Variants in ESR1 observed in about 807,000 individuals in gnomAD.
ESR1 encodes the protein estrogen receptor.
A neutral mutation model predicts 52.7 loss-of-function variants in ESR1; 12 were observed. The observed-to-expected ratio is 0.23, with a 90% CI of 0.15 to 0.37. The LOEUF (loss-of-function observed/expected upper bound fraction) is 0.37. ESR1 is among the 10% of genes least tolerant of loss of function. ESR1 has a pLI of 1.00. For synonymous variants in ESR1, 305 were observed against 316.8 expected, an observed-to-expected ratio of 0.96 and a Z score of 0.39; for missense variants, 584 against 779.7, an observed-to-expected ratio of 0.75 and a Z score of 2.99.
intron 2 of ESR1, among the ~76,000 whole-genome samples, chr6:151,789,317 A>T (rs1787309818): frequency 6.6e-6 from 1 of 152,226 alleles, no homozygotes; most frequent in Non-Finnish European, 1.5e-5. Flanking sequence ...TTACATTTTC[A>T]AACCTCTTTT....
intron 4 of ESR1, among the ~76,000 whole-genome samples, chr6:151,965,694 T>C (rs1012599147): frequency 1.3e-5 from 2 of 152,152 alleles, no homozygotes; most frequent in African/African-American, 2.4e-5. Flanking sequence ...TTTTGACTTA[T>C]CAACTTTGGA....
chr6:151,730,774 C>A (rs1380842613), intron 2 of ESR1, among the ~76,000 whole-genome samples: 1 of 152,126 alleles, frequency 6.6e-6, no homozygotes, highest in African/African-American at 2.4e-5. Context: ...TAAAGAGTAT[C>A]CCTGAAGACA....
At chr6:151,765,220 A>G (rs1784956056) in intron 2 of ESR1, among the ~76,000 whole-genome samples, 1 of 152,232 alleles carries the variant, frequency 6.6e-6, no homozygotes, top group Non-Finnish European at 1.5e-5. Flanking sequence ...CAGATGCTAC[A>G]TTTTTATTAG....
chr6:152,099,213 G>A lies in ESR1; in HGVS notation c.*247G>A. 3 of 548,142 alleles carry A rather than the reference G, an allele frequency of 5.5e-6. No homozygotes were observed. In the South Asian group the frequency reaches 6.0e-5, roughly 11 times the overall value. The allele number at this position is 548,142 out of a possible 1,614,324, so 34.0% of individuals were successfully genotyped here. Reference sequence around the variant, plus strand: ...AACAGCTCTCTTTCCCCCTTGCTATGTTACTAAGCGTGAGGATTCCCGTAG... The same window carrying A: ...AACAGCTCTCTTTCCCCCTTGCTATATTACTAAGCGTGAGGATTCCCGTAG... On this transcript the variant is annotated 3_prime_UTR_variant, in exon 8 of 8. Coordinates refer to ENST00000206249, the MANE Select transcript of ESR1 (RefSeq NM_000125.4).
At chr6:151,827,344 CAAA>C (rs11407983) in intron 1 of ESR1, among the ~76,000 whole-genome samples, 5 of 75,854 alleles carry the variant, frequency 6.6e-5, no homozygotes, top group Non-Finnish European at 9.1e-5. Flanking sequence ...GACCCTGTCT[CAAA>C]AAAAAAAAAA....
At chr6:151,891,324 T>C (rs35882398) in intron 3 of ESR1, among the ~76,000 whole-genome samples, 2,749 of 152,328 alleles carry the variant, frequency 0.018, 36 homozygotes, top group Middle Eastern at 0.065. Context: ...AGGGTTTATC[T>C]TGTTTGTACA....
Position 151,933,103 on chromosome 6 carries a change from G to A in ESR1, c.761-11070G>A, listed in dbSNP as rs1333652668. Among the ~76,000 whole-genome samples the A allele has an allele frequency of 4.6e-5, 7 of 151,726 alleles. No homozygotes were observed. In the South Asian group the frequency reaches 8.4e-4, roughly 18 times the overall value. ...ACCCATGAGCATGGAATGTTCTTCCGTTTGTTTGTATCCTCTTTTATTTCA... is the reference window on the plus strand; with the variant it reads ...ACCCATGAGCATGGAATGTTCTTCCATTTGTTTGTATCCTCTTTTATTTCA... On this transcript the variant is annotated intron_variant, in intron 3 of 7. Coordinates refer to ENST00000206249, the MANE Select transcript of ESR1 (RefSeq NM_000125.4).
At chr6:151,692,269 A>G (rs945714341) in intron 1 of ESR1, among the ~76,000 whole-genome samples, 2 of 152,212 alleles carry the variant, frequency 1.3e-5, no homozygotes, top group Non-Finnish European at 2.9e-5. Flanking sequence ...CTAAACCTCC[A>G]CACAGTGTAA....
intron 2 of ESR1, among the ~76,000 whole-genome samples, chr6:151,752,485 T>C (rs984429885): frequency 6.7e-6 from 1 of 148,776 alleles, no homozygotes; most frequent in Non-Finnish European, 1.5e-5. Flanking sequence ...TTTTTTTTTT[T>C]AGAAATCTAT....
At chr6:151,737,981 A>C (rs987566452) in intron 2 of ESR1, among the ~76,000 whole-genome samples, 1 of 152,124 alleles carries the variant, frequency 6.6e-6, no homozygotes, top group Non-Finnish European at 1.5e-5. Flanking sequence ...GCAGTCTTAG[A>C]ATTGTGGTTT....
chr6:151,934,995 T>G (rs2128495499), intron 3 of ESR1, among the ~76,000 whole-genome samples: 1 of 152,370 alleles, frequency 6.6e-6, no homozygotes, highest in South Asian at 2.1e-4. Flanking sequence ...CAGTGTTTTC[T>G]AAGGCAGTTA....
At chr6:151,995,055 G>A (rs1174135240) in intron 4 of ESR1, among the ~76,000 whole-genome samples, 1 of 152,100 alleles carries the variant, frequency 6.6e-6, no homozygotes, top group Admixed American at 6.6e-5. Context: ...TTTTAGGGAA[G>A]ATACAAGGAG....
At chr6:151,715,492 C>G (rs563777962) in intron 2 of ESR1, among the ~76,000 whole-genome samples, 1 of 152,276 alleles carries the variant, frequency 6.6e-6, no homozygotes, top group African/African-American at 2.4e-5. Context: ...TAGGTTTGGT[C>G]TTTTCACATA....
intron 1 of ESR1, among the ~76,000 whole-genome samples, chr6:151,682,650 C>T (rs74502144): frequency 8.3e-4 from 127 of 152,300 alleles, no homozygotes; most frequent in Non-Finnish European, 1.5e-3. Flanking sequence ...GAATAGTATA[C>T]GTGGAAGAGT....
Position 151,968,811 on chromosome 6 carries a change from C to T in ESR1, c.1096+24303C>T, listed in dbSNP as rs1403480669. ...CACACCTTCAGGCTGGTGGGAGCAA[C>T]TTGGGCCATGGACTGGAACCATGTC... On this transcript the variant is annotated intron_variant, in intron 4 of 7. Coordinates refer to ENST00000206249, the MANE Select transcript of ESR1 (RefSeq NM_000125.4). Among the ~76,000 whole-genome samples the T allele has an allele frequency of 2.0e-5, 3 of 152,088 alleles. No individual in the cohort carries two copies. In the East Asian group the frequency reaches 5.8e-4, roughly 29 times the overall value.
intron 1 of ESR1, among the ~76,000 whole-genome samples, chr6:151,695,599 G>A (rs1168874416): frequency 2.6e-5 from 4 of 152,174 alleles, no homozygotes; most frequent in Non-Finnish European, 5.9e-5. Flanking sequence ...CGGATGATCT[G>A]CATTTTTGAG....
rs2050803679 is a variant in ESR1, at chr6:152,098,425, C to T, written c.1554-307C>T. 6.6e-6 allele frequency among the ~76,000 whole-genome samples: 1 copy of T among 151,912 alleles called. No homozygotes were observed. Among genetic ancestry groups the T allele is most frequent in the African/African-American group, 2.4e-5 (1 of 41,356 alleles). ...GAGGGGAATAGGATCTCATTTGAGG[C>T]CACGGAGGTCCATGGAAGTCACCTG... On this transcript the variant is annotated intron_variant, in intron 7 of 7. Coordinates refer to ENST00000206249, the MANE Select transcript of ESR1 (RefSeq NM_000125.4). The surrounding 1 kb of genome is among the most constrained non-coding windows in gnomAD (Gnocchi z 5.1).
chr6:151,817,094 G>A (rs1286953635), intron 1 of ESR1, among the ~76,000 whole-genome samples: 2 of 152,178 alleles, frequency 1.3e-5, no homozygotes, highest in Non-Finnish European at 2.9e-5. Flanking sequence ...GAGAAAGAAG[G>A]AGTTGGAAGC....
chr6:151,806,747 C>T (rs1178751249), upstream of ESR1, among the ~76,000 whole-genome samples: 1 of 151,716 alleles, frequency 6.6e-6, no homozygotes, highest in Non-Finnish European at 1.5e-5. Context: ...TTAGCTGGAC[C>T]AGACCGACAA....
Sources: gnomAD v4.1 joint callset for allele counts (sites outside exome capture counted in the v4.1 genomes callset) on GRCh38, gnomAD v4.1.1 for gene constraint, Gnocchi (gnomAD v3.1) non-coding constraint, MANE v1.5 for transcripts, NCBI Gene and HGNC (gene_info 2026-07-23, HGNC 2026-07-21) for gene names.